Variants in PYHIN1 observed in about 807,000 individuals in gnomAD.
The protein encoded by PYHIN1 is pyrin and HIN domain-containing protein 1.
PYHIN1 carries 32 observed loss-of-function variants against 43.7 expected under a neutral mutation model. The observed-to-expected ratio is 0.73, with a 90% CI of 0.55 to 0.98. PYHIN1 has a LOEUF of 0.98. PYHIN1 is among the 50% of genes least tolerant of loss of function. The pLI is 0.00. For synonymous variants in PYHIN1, 205 were observed against 203.1 expected, an observed-to-expected ratio of 1.01 and a Z score of -0.08; for missense variants, 588 against 589.5, an observed-to-expected ratio of 1.00 and a Z score of 0.03.
intron 3 of PYHIN1, 30 bp from the exon 4 acceptor site, chr1:158,939,050 T>A (rs754211548): frequency 2.4e-5 from 36 of 1,513,724 alleles, no homozygotes; most frequent in Non-Finnish European, 3.2e-5. Context: ...ACACTGAAAG[T>A]AATTAACAAG....
chr1:158,980,265 T>C (rs532806640), downstream of PYHIN1, among the ~76,000 whole-genome samples: 22 of 152,278 alleles, frequency 1.4e-4, no homozygotes, highest in African/African-American at 5.3e-4. Context: ...ACTGTGATAA[T>C]TGTTAACTGT....
chr1:158,941,860 G>A (rs1247496657), intron 4 of PYHIN1, 117 bp from the exon 5 acceptor site: 1 of 893,324 alleles, frequency 1.1e-6, no homozygotes, highest in Non-Finnish European at 1.6e-6. Context: ...CCTGGCCCCA[G>A]CTCTACACAT....
intron 7 of PYHIN1, among the ~76,000 whole-genome samples, chr1:158,964,288 C>G (rs1401115563): frequency 6.6e-6 from 1 of 152,150 alleles, no homozygotes; most frequent in East Asian, 1.9e-4. Flanking sequence ...AAAGCAAACA[C>G]CTTTAAAACA....
chr1:158,986,627 C>T, the PYHIN1 span, among the ~76,000 whole-genome samples: 2 of 152,278 alleles, frequency 1.3e-5, no homozygotes, highest in Admixed American at 1.3e-4. Context: ...TGAGAGAGGC[C>T]AGCAGATGGG....
chr1:158,947,429 T>C (rs771810533), intron 7 of PYHIN1, among the ~76,000 whole-genome samples: 2 of 152,228 alleles, frequency 1.3e-5, no homozygotes, highest in African/African-American at 2.4e-5. Flanking sequence ...AAACTATCCA[T>C]GGTCTTTTCC....
chr1:158,934,090 C>A (rs2101637382), intron 1 of PYHIN1, among the ~76,000 whole-genome samples: 1 of 152,100 alleles, frequency 6.6e-6, no homozygotes, highest in South Asian at 2.1e-4. Context: ...GAGAGCATTT[C>A]TTTTGTACCT....
Position 158,933,875 on chromosome 1 carries a change from T to C in PYHIN1, c.-21+2099T>C, listed in dbSNP as rs1468345719. ...CAAGTTCGTTTTTCATTCTTACTTG[T>C]CTTTTGGCCTGCAGCTTTTTAAAAT... On this transcript the variant is annotated intron_variant, in intron 1 of 8. Transcript: ENST00000368140. This position sits in a 1 kb window ranked among gnomAD's most constrained non-coding sequence, Gnocchi z 6.3. Among the ~76,000 whole-genome samples the C allele has an allele frequency of 6.6e-6, 1 of 152,130 alleles. No individual in the cohort carries two copies. Among genetic ancestry groups the C allele is most frequent in the East Asian group, 1.9e-4 (1 of 5,198 alleles).
At chr1:158,955,590 C>T (rs1463079256) in intron 7 of PYHIN1, among the ~76,000 whole-genome samples, 39 of 144,234 alleles carry the variant, frequency 2.7e-4, no homozygotes, top group Admixed American at 9.8e-4. Flanking sequence ...ATCTCTGGGA[C>T]GCATTCAAAG....
At position 158,937,015 on chromosome 1, in the gene PYHIN1, T is replaced by C. The variant is rs1648591277; in HGVS notation, c.105T>C (p.Leu35=). 6.2e-7 allele frequency: 1 copy of C among 1,614,112 alleles called. No individual in the cohort carries two copies. Among genetic ancestry groups the C allele is most frequent in the Non-Finnish European group, 8.5e-7 (1 of 1,179,990 alleles). Residue 35 remains leucine (L), a synonymous_variant, in exon 2 of 9, where the codon CTT becomes CTC. Transcript: ENST00000368140. The part of the protein sequence containing the change: ...VKSLLSNDLK[L]NPKMKEEYDK... Reference sequence around the variant, plus strand: ...CCTTACTGAGTAACGATTTAAAACTTAATCCAAAAATGAAAGAAGAGTATG... The same window carrying C: ...CCTTACTGAGTAACGATTTAAAACTCAATCCAAAAATGAAAGAAGAGTATG...
chr1:158,934,515 G>A (rs1648388221), intron 1 of PYHIN1, among the ~76,000 whole-genome samples: 1 of 151,924 alleles, frequency 6.6e-6, no homozygotes, highest in Non-Finnish European at 1.5e-5. Context: ...TTCATTCTCG[G>A]AGGCTTATGG....
At chr1:158,943,721 C>A in intron 5 of PYHIN1, 69 bp from the exon 6 acceptor site, 1 of 1,201,340 alleles carries the variant, frequency 8.3e-7, no homozygotes, top group Non-Finnish European at 1.2e-6. Flanking sequence ...TAATCTGTCA[C>A]AAGAGACTTT....
At chr1:158,963,702 C>A (rs1650460815) in intron 7 of PYHIN1, among the ~76,000 whole-genome samples, 1 of 152,178 alleles carries the variant, frequency 6.6e-6, no homozygotes, top group Admixed American at 6.5e-5. Flanking sequence ...TAACCATGGA[C>A]AAGAATTTAG....
chr1:158,953,650 A>G (rs1649727602), intron 7 of PYHIN1, among the ~76,000 whole-genome samples: 1 of 152,146 alleles, frequency 6.6e-6, no homozygotes, highest in Non-Finnish European at 1.5e-5. Context: ...AAAGATGGGG[A>G]AAAAACAGAA....
chr1:158,955,216 A>G (rs942207563), intron 7 of PYHIN1, among the ~76,000 whole-genome samples: 1 of 152,154 alleles, frequency 6.6e-6, no homozygotes, highest in African/African-American at 2.4e-5. Context: ...CAACAAGGAT[A>G]CCCAGGAATT....
intron 7 of PYHIN1, among the ~76,000 whole-genome samples, chr1:158,946,831 T>C (rs781420510): frequency 2.0e-5 from 3 of 152,202 alleles, no homozygotes; most frequent in Non-Finnish European, 4.4e-5. Context: ...ATATTTATTA[T>C]GTTGTGACTC....
chr1:158,987,867 A>T, the PYHIN1 span, among the ~76,000 whole-genome samples: 1 of 152,242 alleles, frequency 6.6e-6, no homozygotes, highest in East Asian at 1.9e-4. Context: ...AAGCTAATTC[A>T]GATAAAGTCT....
intron 1 of PYHIN1, among the ~76,000 whole-genome samples, chr1:158,932,132 G>A (rs897363115): frequency 1.3e-5 from 2 of 152,128 alleles, no homozygotes; most frequent in African/African-American, 4.8e-5. Flanking sequence ...CTTTTTTATG[G>A]ATGCATAGTA....
chr1:158,963,330 C>T (rs1368617747), intron 7 of PYHIN1, among the ~76,000 whole-genome samples: 3 of 152,168 alleles, frequency 2.0e-5, no homozygotes, highest in African/African-American at 7.2e-5. Context: ...GCACAGCTGC[C>T]CCATCTTTGG....
chr1:158,945,614 C>T (rs1334414355), intron 7 of PYHIN1, among the ~76,000 whole-genome samples: 1 of 152,138 alleles, frequency 6.6e-6, no homozygotes, highest in Non-Finnish European at 1.5e-5. Flanking sequence ...TTTACAGGGC[C>T]TCCTGTCAAT....
Sources: allele counts gnomAD v4.1 joint callset (sites outside exome capture counted in the v4.1 genomes callset), GRCh38; gene constraint gnomAD v4.1.1; non-coding constraint Gnocchi (gnomAD v3.1); transcripts MANE v1.5; gene names NCBI Gene and HGNC (gene_info 2026-07-23, HGNC 2026-07-21).